Variants in IDI1 observed in about 807,000 individuals in gnomAD.
IDI1 encodes the protein isopentenyl-diphosphate Delta-isomerase 1.
IDI1 carries 23 observed loss-of-function variants against 32.9 expected under a neutral mutation model. The ratio of observed to expected loss-of-function variants is 0.70; its 90% CI spans 0.50 to 0.99. The LOEUF is 0.99. Ranked by LOEUF, IDI1 falls within the 50% of genes least tolerant of loss-of-function variation. IDI1 has a pLI of 0.00. For synonymous variants in IDI1, 133 were observed against 128.2 expected (o/e 1.04, Z -0.25); for missense variants, 326 against 351.9 (o/e 0.93, Z 0.59).
chr10:1,040,119 A>G lies in IDI1; in HGVS notation c.*1068T>C, dbSNP rs1832511198. On this transcript the variant is annotated 3_prime_UTR_variant, in exon 5 of 5. Transcript: ENST00000381344. The stretch of plus-strand genomic sequence containing the variant: ...TTGAGGTTTCAAATCTGAGATATCT[A>G]TGGCAAGTTTATAAAAAGTACATTG... The G allele has an allele frequency of 6.6e-6, 1 of 152,230 alleles. No individual in the cohort carries two copies. Among genetic ancestry groups the G allele is most frequent in the Non-Finnish European group, 1.5e-5 (1 of 68,042 alleles). The allele number at this position is 152,230 out of a possible 1,614,324, so 9.4% of individuals were successfully genotyped here.
upstream of IDI1, chr10:1,049,279 G>T (rs547566477): frequency 2.0e-6 from 1 of 496,714 alleles, no homozygotes; most frequent in Non-Finnish European, 3.5e-6. Context: ...CGCTGCGAAC[G>T]GTGCCTAACG....
intron 4 of IDI1, among the ~76,000 whole-genome samples, chr10:1,041,957 C>T (rs535571859): frequency 2.0e-5 from 3 of 151,964 alleles, no homozygotes; most frequent in Non-Finnish European, 4.4e-5. Flanking sequence ...AGACGTGCCG[C>T]CCCACCATGC....
upstream of IDI1, among the ~76,000 whole-genome samples, chr10:1,052,569 A>G (rs1438333748): frequency 6.6e-6 from 1 of 152,216 alleles, no homozygotes; most frequent in Non-Finnish European, 1.5e-5. Context: ...ACTGTAAATC[A>G]GCAGTAATAT....
In IDI1 at chr10:1,041,398, T is replaced by C; in HGVS notation, c.644A>G (p.Asn215Ser). The C allele has an allele frequency of 6.2e-7, 1 of 1,612,422 alleles. No individual in the cohort carries two copies. Among genetic ancestry groups the C allele is most frequent in the African/African-American group, 1.3e-5 (1 of 75,018 alleles). Residue 215 changes from asparagine to serine, a missense_variant, in exon 5 of 5, where the codon AAT becomes AGT. Transcript: ENST00000381344. Reference protein sequence around the residue: ...EIDYILLVRKNVTLNPDPNEI... With the variant: ...EIDYILLVRKSVTLNPDPNEI... ...ATTGGGATCTGGATTCAAAGTTACA[T>C]TCTTCCTCACCAACAAAATGTAATC...
upstream of IDI1, among the ~76,000 whole-genome samples, chr10:1,052,382 T>G (rs1006865809): frequency 6.6e-6 from 1 of 152,230 alleles, no homozygotes; most frequent in African/African-American, 2.4e-5. Context: ...GTGCAGTGAT[T>G]CAGTTACATC....
At chr10:1,049,189 C>T (rs533877007), upstream of IDI1, 3,248 of 997,078 alleles carry the variant, frequency 3.3e-3, 9 homozygotes, top group Non-Finnish European at 3.8e-3. Flanking sequence ...GCAGAGGCAG[C>T]GTCCCGCGAC....
intron 3 of IDI1, among the ~76,000 whole-genome samples, 159 bp from the exon 4 acceptor site, chr10:1,042,921 T>A (rs934386874): frequency 6.7e-6 from 1 of 148,696 alleles, no homozygotes. Context: ...ATTTTAAAAT[T>A]GGTTATAATG....
chr10:1,048,730 C>A, intron 1 of IDI1, 134 bp downstream of exon 1: 3 of 1,444,362 alleles, frequency 2.1e-6, no homozygotes, highest in Non-Finnish European at 2.7e-6. Context: ...AACGCCGCCA[C>A]CCCCAGCTGT....
chr10:1,042,163 T>C (rs1422832597), intron 4 of IDI1, among the ~76,000 whole-genome samples: 2 of 152,164 alleles, frequency 1.3e-5, no homozygotes, highest in Non-Finnish European at 2.9e-5. Context: ...AGATAAGAAA[T>C]ACTTTATTTA....
At position 1,041,172 on chromosome 10, in the gene IDI1, CATTTACCTACAT is replaced by C. The variant is rs1199168235; in HGVS notation, c.*3_*14del. The C allele has an allele frequency of 5.5e-6, 8 of 1,463,864 alleles. No individual in the cohort carries two copies. The highest frequency in any genetic ancestry group is 7.5e-6 in the Non-Finnish European group (8 of 1,065,202). The allele number at this position is 1,463,864 out of a possible 1,614,324, so 90.7% of individuals were successfully genotyped here. Reference sequence around the variant, plus strand: ...TTAAGCAGATAAATTTTTCTGTAATCATTTACCTACATATTCACATTCTGTATATTTTCTCAT... The same window carrying C: ...TTAAGCAGATAAATTTTTCTGTAATCATTCACATTCTGTATATTTTCTCAT... On this transcript the variant is annotated 3_prime_UTR_variant, in exon 5 of 5. Coordinates refer to ENST00000381344, the MANE Select transcript of IDI1 (RefSeq NM_004508.4).
At position 1,044,114 on chromosome 10, in the gene IDI1, G is replaced by A. The variant is rs550328708; in HGVS notation, c.198C>T (p.Leu66=). The change falls in exon 2 of 5, where the codon CTC becomes CTT. Residue 66 remains leucine, a synonymous_variant. Transcript: ENST00000381344. ...VMMPEINTNH[L]DKQQVQLLAE... ...CCAGGAGTTGAACCTGTTGCTTGTC[G>A]AGGTGGTTAGTGTTTATTTCAGGCA... 6 of 1,613,650 alleles carry A rather than the reference G, an allele frequency of 3.7e-6. No individual in the cohort carries two copies. The highest frequency in any genetic ancestry group is 3.3e-5 in the South Asian group (3 of 91,072).
rs765142925 is a variant in IDI1, at chr10:1,042,688, C to T, written c.481G>A (p.Val161Met). Residue 161 changes from valine (V) to methionine (M), a missense_variant, in exon 4 of 5, where the codon GTG becomes ATG. Coordinates refer to ENST00000381344, the MANE Select transcript of IDI1 (RefSeq NM_004508.4). The stretch of plus-strand genomic sequence containing the variant: ...AGCCGTCTCTGTGCTGCTCGCCTCA[C>T]TCCAAGGGCGTCACTTTCCTCAAGC... The part of the protein sequence containing the change: ...AELEESDALG[V>M]RRAAQRRLKA... The T allele has an allele frequency of 6.2e-7, 1 of 1,614,104 alleles. No homozygotes were observed. The highest frequency in any genetic ancestry group is 2.2e-5 in the East Asian group (1 of 44,868).
In IDI1 at chr10:1,042,716, G is replaced by T. The variant is rs565545168; in HGVS notation, c.453C>A (p.Ala151=). 1 of 1,613,668 alleles carries T rather than the reference G, an allele frequency of 6.2e-7. No homozygotes were observed. Among genetic ancestry groups the T allele is most frequent in the Non-Finnish European group, 8.5e-7 (1 of 1,179,806 alleles). ...TCCSHPLSNP[A]ELEESDALGV... is the part of the protein sequence containing the mutation. ...CAAGGGCGTCACTTTCCTCAAGCTCGGCTGGATTGCTTAATGGATGACTAC... is the reference window on the plus strand; with the variant it reads ...CAAGGGCGTCACTTTCCTCAAGCTCTGCTGGATTGCTTAATGGATGACTAC... The change falls in exon 4 of 5, where the codon GCC becomes GCA. Residue 151 remains alanine, a synonymous_variant. Coordinates refer to ENST00000381344, the MANE Select transcript of IDI1 (RefSeq NM_004508.4).
the IDI1 span, among the ~76,000 whole-genome samples, chr10:1,055,375 G>C: frequency 6.6e-6 from 1 of 152,034 alleles, no homozygotes; most frequent in East Asian, 1.9e-4. Context: ...GACTTTTATG[G>C]AATCCTAAAT....
chr10:1,053,842 G>T (rs946305744), upstream of IDI1, among the ~76,000 whole-genome samples: 1 of 151,556 alleles, frequency 6.6e-6, no homozygotes, highest in African/African-American at 2.4e-5. Context: ...CAATCCTCCT[G>T]CTTCAGTCTC....
At chr10:1,056,031 C>A in the IDI1 span, among the ~76,000 whole-genome samples, 2 of 152,068 alleles carry the variant, frequency 1.3e-5, no homozygotes, top group Non-Finnish European at 2.9e-5. Flanking sequence ...CTGGTCTCGA[C>A]CTCCTAATCT....
At chr10:1,042,523 C>T (rs930916565) in intron 4 of IDI1, 109 bp downstream of exon 4, 67 of 1,036,706 alleles carry the variant, frequency 6.5e-5, no homozygotes, top group Middle Eastern at 2.6e-4. Flanking sequence ...CTCATAACTC[C>T]GGAGGTTACC....
Position 1,039,948 on chromosome 10 carries a change from T to G in IDI1, c.*1239A>C, listed in dbSNP as rs1832503756. On this transcript the variant is annotated 3_prime_UTR_variant, in exon 5 of 5. Coordinates refer to ENST00000381344, the MANE Select transcript of IDI1 (RefSeq NM_004508.4). ...TTTTACTTTTCAATAAAATACTTGC[T>G]AAACAGTCTTGTCTGAAATTATAAA... 3.3e-5 allele frequency: 5 copies of G among 152,256 alleles called. No homozygotes were observed. Among genetic ancestry groups the G allele is most frequent in the Admixed American group, 3.3e-4 (5 of 15,288 alleles). 9.4% of individuals were successfully genotyped at this position (152,256 alleles called of 1,614,324 possible).
At chr10:1,043,189 A>C in intron 3 of IDI1, 112 bp downstream of exon 3, 1 of 681,226 alleles carries the variant, frequency 1.5e-6, no homozygotes, top group South Asian at 1.8e-5. Flanking sequence ...GCAGAATATA[A>C]AATTATGCCA....
Sources: gnomAD v4.1 joint callset for allele counts (sites outside exome capture counted in the v4.1 genomes callset) on GRCh38, gnomAD v4.1.1 for gene constraint, MANE v1.5 for transcripts, NCBI Gene and HGNC (gene_info 2026-07-23, HGNC 2026-07-21) for gene names.